ETV6: variants seen among roughly 807,000 people sequenced by gnomAD.
The protein encoded by ETV6 is ETS variant transcription factor 6, also known as transcription factor ETV6.
A neutral mutation model predicts 51.1 loss-of-function variants in ETV6; 16 were observed. The ratio of observed to expected loss-of-function variants is 0.31; its 90% CI spans 0.21 to 0.48. The LOEUF is 0.48. Among genes scored for constraint, ETV6 ranks in the 20% least tolerant of loss-of-function variants. The pLI is 0.99. For synonymous variants in ETV6, 240 were observed against 224.1 expected (o/e 1.07, Z -0.64); for missense variants, 458 against 594.8 (o/e 0.77, Z 2.39).
intron 1 of ETV6, among the ~76,000 whole-genome samples, chr12:11,746,897 G>A (rs991068500): frequency 2.7e-5 from 4 of 150,042 alleles, no homozygotes; most frequent in African/African-American, 9.8e-5. Context: ...CTTGACAGAA[G>A]CAATATACTG....
chr12:11,778,308 G>A (rs1316514036), intron 2 of ETV6, among the ~76,000 whole-genome samples: 16 of 152,208 alleles, frequency 1.1e-4, no homozygotes, highest in East Asian at 1.9e-4. Flanking sequence ...GAGCGCACAC[G>A]CGTGTGCACA....
chr12:11,780,436 AG>A (rs1444139590), intron 2 of ETV6, among the ~76,000 whole-genome samples: 1 of 152,148 alleles, frequency 6.6e-6, no homozygotes, highest in Non-Finnish European at 1.5e-5. Context: ...AACAACAAAA[AG>A]CTCTGAACAA....
At chr12:11,743,722 G>A (rs373723786) in intron 1 of ETV6, among the ~76,000 whole-genome samples, 2 of 152,196 alleles carry the variant, frequency 1.3e-5, no homozygotes, top group Non-Finnish European at 2.9e-5. Context: ...TAAATCACAG[G>A]GCAAAACATC....
Position 11,892,153 on chromosome 12 carries a change from G to T in ETV6, c.*1107G>T, listed in dbSNP as rs1344014650. 4.3e-6 allele frequency: 1 copy of T among 231,258 alleles called. No individual in the cohort carries two copies. The highest frequency in any genetic ancestry group is 8.5e-6 in the Non-Finnish European group (1 of 117,694). 14.3% of individuals were successfully genotyped at this position (231,258 alleles called of 1,614,324 possible). A position where few individuals can be genotyped will look rare whatever the true frequency, so the allele number is the denominator to read the frequency against. On this transcript the variant is annotated 3_prime_UTR_variant, in exon 8 of 8. Coordinates refer to ENST00000396373, the MANE Select transcript of ETV6 (RefSeq NM_001987.5). ...TAACAGAGGCTAGTGAGAAAGAAAAGCTCCTCTCTGCTCCATTCCAAAGGC... is the reference window on the plus strand; with the variant it reads ...TAACAGAGGCTAGTGAGAAAGAAAATCTCCTCTCTGCTCCATTCCAAAGGC...
chr12:11,792,612 G>A (rs536871757), intron 2 of ETV6, among the ~76,000 whole-genome samples: 49 of 152,072 alleles, frequency 3.2e-4, no homozygotes, highest in African/African-American at 1.0e-3. Flanking sequence ...GCTTGAACCC[G>A]GAAGGTGGAG....
At chr12:11,679,237 T>C (rs543372846) in intron 1 of ETV6, among the ~76,000 whole-genome samples, 1 of 152,316 alleles carries the variant, frequency 6.6e-6, no homozygotes, top group African/African-American at 2.4e-5. Flanking sequence ...CATTTTTTTT[T>C]CTTTACCCAC....
chr12:11,789,639 T>G (rs1412069998), intron 2 of ETV6, among the ~76,000 whole-genome samples: 3 of 152,210 alleles, frequency 2.0e-5, no homozygotes, highest in Non-Finnish European at 4.4e-5. Context: ...AATGTCTTTC[T>G]TCTTTCCTCA....
intron 1 of ETV6, among the ~76,000 whole-genome samples, chr12:11,667,718 T>TC (rs1279415797): frequency 2.8e-5 from 4 of 145,154 alleles, no homozygotes; most frequent in Non-Finnish European, 6.1e-5. Context: ...TTTTTTTTTT[T>TC]TTGAGATGGA....
chr12:11,653,037 G>A (rs1591586258), intron 1 of ETV6, among the ~76,000 whole-genome samples: 2 of 152,132 alleles, frequency 1.3e-5, no homozygotes, highest in African/African-American at 2.4e-5. Context: ...AGGAGTGCTC[G>A]AGCACTCCTG....
rs186371560 is a variant in ETV6 at position 11,651,612 on chromosome 12, T to C, written c.33+1452T>C. On this transcript the variant is annotated intron_variant, in intron 1 of 7. Coordinates refer to ENST00000396373, the MANE Select transcript of ETV6 (RefSeq NM_001987.5). ...GCGTGCCACACTAAAGAACTTAGGG[T>C]ACTTTGATATTAATACTTCAAAACC... 6.0e-4 allele frequency among the ~76,000 whole-genome samples: 91 copies of C among 152,290 alleles called. 2 individuals are homozygous for C. The highest frequency in any genetic ancestry group is 5.9e-3 in the Admixed American group (90 of 15,294).
At chr12:11,802,810 G>C (rs923952774) in intron 2 of ETV6, among the ~76,000 whole-genome samples, 1 of 152,166 alleles carries the variant, frequency 6.6e-6, no homozygotes, top group African/African-American at 2.4e-5. Flanking sequence ...TGGGAATTCC[G>C]TAGGTTCCCA....
chr12:11,874,621 CATATGTGTAT>C (rs1565562664), intron 5 of ETV6, among the ~76,000 whole-genome samples: 694 of 8,784 alleles, frequency 0.079, 44 homozygotes, highest in East Asian at 0.56. Context: ...TGTGTACACA[CATATGTGTAT>C]GTGTGTGTGT....
chr12:11,833,166 T>C (rs1202039642), intron 2 of ETV6, among the ~76,000 whole-genome samples: 1 of 152,200 alleles, frequency 6.6e-6, no homozygotes, highest in Non-Finnish European at 1.5e-5. Flanking sequence ...ACAATAACAG[T>C]ACAAAAGCAA....
intron 2 of ETV6, among the ~76,000 whole-genome samples, chr12:11,771,687 T>C (rs1276195688): frequency 1.3e-5 from 2 of 152,216 alleles, no homozygotes; most frequent in Non-Finnish European, 2.9e-5. Context: ...CCCTGTAGAA[T>C]TCTGGCCGTG....
rs1947326909 is a variant in ETV6 at position 11,893,381 on chromosome 12, G to T, written c.*2335G>T. 4.3e-6 allele frequency: 1 copy of T among 232,166 alleles called. No homozygotes were observed. The allele number at this position is 232,166 out of a possible 1,614,324, so 14.4% of individuals were successfully genotyped here. A position where few individuals can be genotyped will look rare whatever the true frequency, so the allele number is the denominator to read the frequency against. On this transcript the variant is annotated 3_prime_UTR_variant, in exon 8 of 8. Transcript: ENST00000396373. The stretch of plus-strand genomic sequence containing the variant: ...AAAGAATCTTAACAGTTGAATTATG[G>T]AGGGAAATTCCCTTTTGCCCCAAGC...
In ETV6 at chr12:11,752,136, G is replaced by A. The variant is rs141390009; in HGVS notation, c.34-314G>A. Among the ~76,000 whole-genome samples, 657 of 152,264 alleles carry A rather than the reference G, an allele frequency of 4.3e-3. 8 individuals carry two copies. Among genetic ancestry groups the A allele is most frequent in the African/African-American group, 0.015 (627 of 41,564 alleles). Reference sequence around the variant, plus strand: ...TTGTCTTTAAGCCATTCTCGCGGACGTATTTTTTTTGTTCCCTTTTGTCCC... The same window carrying A: ...TTGTCTTTAAGCCATTCTCGCGGACATATTTTTTTTGTTCCCTTTTGTCCC... On this transcript the variant is annotated intron_variant, in intron 1 of 7. Coordinates refer to ENST00000396373, the MANE Select transcript of ETV6 (RefSeq NM_001987.5).
chr12:11,683,524 G>A (rs74789716), intron 1 of ETV6, among the ~76,000 whole-genome samples: 4,215 of 151,974 alleles, frequency 0.028, 197 homozygotes, highest in African/African-American at 0.096. Context: ...ATCCTTTTTT[G>A]ATGGACCCTA....
At chr12:11,702,553 G>A (rs1363950750) in intron 1 of ETV6, among the ~76,000 whole-genome samples, 2 of 152,200 alleles carry the variant, frequency 1.3e-5, no homozygotes, top group East Asian at 3.9e-4. Context: ...AGCTACAGGA[G>A]AAGTATCCCC....
intron 2 of ETV6, among the ~76,000 whole-genome samples, chr12:11,830,862 A>G (rs1946233919): frequency 6.6e-6 from 1 of 152,248 alleles, no homozygotes; most frequent in African/African-American, 2.4e-5. Context: ...AATCTGACAA[A>G]TGAGGAATTG....
Sources: gnomAD v4.1 joint callset for allele counts (sites outside exome capture counted in the v4.1 genomes callset) on GRCh38, gnomAD v4.1.1 for gene constraint, MANE v1.5 for transcripts, NCBI Gene and HGNC (gene_info 2026-07-23, HGNC 2026-07-21) for gene names.